WDR1: variants seen among roughly 807,000 people sequenced by gnomAD.
WDR1 encodes WD repeat domain 1.
Under a neutral mutation model 71.9 loss-of-function variants are expected in WDR1, and 21 were observed. The ratio of observed to expected loss-of-function variants is 0.29; its 90% confidence interval spans 0.21 to 0.42. The LOEUF (loss-of-function observed/expected upper bound fraction) is 0.42. Among genes scored for constraint, WDR1 ranks in the 10% least tolerant of loss-of-function variants. The pLI is 1.00. For synonymous variants in WDR1, 424 were observed against 347.4 expected, an observed-to-expected ratio of 1.22 and a Z score of -2.45; for missense variants, 696 against 824.5, an observed-to-expected ratio of 0.84 and a Z score of 1.91.
chr4:10,077,136 G>A, intron 14 of WDR1, 168 bp downstream of exon 14: 1 of 988,284 alleles, frequency 1.0e-6, no homozygotes, highest in Non-Finnish European at 1.4e-6. Context: ...CAGCAGCGCA[G>A]CTGGTGTTTG....
At chr4:10,090,475 G>A (rs898388123) in intron 5 of WDR1, among the ~76,000 whole-genome samples, 2 of 152,200 alleles carry the variant, frequency 1.3e-5, no homozygotes, top group Non-Finnish European at 2.9e-5. Flanking sequence ...TCGTAGAGAG[G>A]CCACTCCCCG....
chr4:10,115,989 G>A (rs1227774423), intron 2 of WDR1, 124 bp downstream of exon 2: 3 of 1,344,846 alleles, frequency 2.2e-6, no homozygotes, highest in Admixed American at 4.8e-5. Context: ...CCCGGTAGAG[G>A]GGGCGTGGCG....
chr4:10,093,560 G>A lies in WDR1; in HGVS notation c.558+4151C>T, dbSNP rs536362807. On this transcript the variant is annotated intron_variant, in intron 5 of 14. Coordinates refer to ENST00000499869, the MANE Select transcript of WDR1 (RefSeq NM_017491.5). ...AACTGCCTCTCCCGTCACCCGGGAC[G>A]GGTCAGCTCAGTCACCATGTTCCCT... Among the ~76,000 whole-genome samples the A allele has an allele frequency of 9.2e-5, 14 of 152,346 alleles. No individual in the cohort carries two copies. The East Asian group carries it at 2.5e-3, about 27-fold the overall frequency.
intron 8 of WDR1, among the ~76,000 whole-genome samples, chr4:10,085,059 G>A (rs1333797667): frequency 6.6e-6 from 1 of 152,220 alleles, no homozygotes; most frequent in Non-Finnish European, 1.5e-5. Context: ...GAACGCTGAC[G>A]CTCCTACCCT....
chr4:10,077,406 G>C lies in WDR1; in HGVS notation c.1612C>G (p.Leu538Val). 6.2e-7 allele frequency: 1 copy of C among 1,614,022 alleles called. No individual in the cohort carries two copies. Among genetic ancestry groups the C allele is most frequent in the South Asian group, 1.1e-5 (1 of 91,086 alleles). The change falls in exon 14 of 15, where the codon CTG becomes GTG. Residue 538 changes from leucine (L) to valine (V), a missense_variant. Physicochemically the swap from Leu to Val is conservative, Grantham distance 32. Coordinates refer to ENST00000499869, the MANE Select transcript of WDR1 (RefSeq NM_017491.5). Reference sequence around the variant, plus strand: ...TGTTCATTGTCTGGGGACCAGGCCAGGCAGACGATTTTTGCATGGTGTCCA... The same window carrying C: ...TGTTCATTGTCTGGGGACCAGGCCACGCAGACGATTTTTGCATGGTGTCCA... ...FYGHHAKIVC[L>V]AWSPDNEHFA... is the part of the protein sequence containing the mutation.
At chr4:10,099,170 GAGGC>G in intron 3 of WDR1, 31 bp from the exon 4 acceptor site, 64 of 801,872 alleles carry the variant, frequency 8.0e-5, no homozygotes, top group Non-Finnish European at 1.0e-4. Context: ...GGGAGGGGGG[GAGGC>G]GGTGGTGGGG....
rs533739685 is a variant in WDR1 at position 10,077,982 on chromosome 4, T to C, written c.1396-56A>G. The C allele has an allele frequency of 3.3e-5, 50 of 1,501,818 alleles. No individual in the cohort carries two copies. The African/African-American group carries it at 6.3e-4, about 19-fold the overall frequency. 93.0% of individuals were successfully genotyped at this position (1,501,818 alleles called of 1,614,324 possible). ...CCCCTGAACACACACACCACACCCA[T>C]CCTTTGTGAAGGGGGGGTCGAGGGC... is the stretch of plus-strand genomic sequence containing the variant. On this transcript the variant is annotated intron_variant, in intron 12 of 14. Coordinates refer to ENST00000499869, the MANE Select transcript of WDR1 (RefSeq NM_017491.5).
At chr4:10,089,645 C>T (rs558717222) in intron 5 of WDR1, among the ~76,000 whole-genome samples, 6 of 152,326 alleles carry the variant, frequency 3.9e-5, no homozygotes, top group South Asian at 4.1e-4. Flanking sequence ...GGCGCTAACC[C>T]GGCAAATGCA....
chr4:10,075,400 T>C lies in WDR1; in HGVS notation c.1799A>G (p.Lys600Arg). 6.2e-7 allele frequency: 1 copy of C among 1,613,956 alleles called. No homozygotes were observed. Among genetic ancestry groups the C allele is most frequent in the South Asian group, 1.1e-5 (1 of 91,080 alleles). Reference protein sequence around the residue: ...LVTTSHDASVKEWTITY With the variant: ...LVTTSHDASVREWTITY ...TCCTCAGTAGGTGATTGTCCACTCC[T>C]TGACAGAGGCATCATGGGAGGTCGT... Residue 600 changes from lysine to arginine, a missense_variant, in exon 15 of 15, where the codon AAG becomes AGG. By Grantham distance (26) the Lys-to-Arg change is conservative. Transcript: ENST00000499869.
At chr4:10,116,472 C>T (rs1480627639) in intron 1 of WDR1, 179 bp downstream of exon 1, 1 of 727,636 alleles carries the variant, frequency 1.4e-6, no homozygotes, top group South Asian at 2.6e-5. Context: ...TGGGGGCGCA[C>T]CCCCCGTCGG....
At chr4:10,088,471 C>G (rs1415978489) in intron 6 of WDR1, 98 bp from the exon 7 acceptor site, 2 of 1,285,136 alleles carry the variant, frequency 1.6e-6, no homozygotes, top group Non-Finnish European at 2.2e-6. Context: ...CCGGGGCTCA[C>G]AGACTAAGCT....
intron 3 of WDR1, 101 bp downstream of exon 3, chr4:10,103,795 C>CCCCCCCCCCCCCCCCCAA: frequency 2.0e-6 from 1 of 501,202 alleles, no homozygotes; most frequent in Non-Finnish European, 3.3e-6. Flanking sequence ...CCCCACCTCC[C>CCCCCCCCCCCCCCCCCAA]TCCTCCCACT....
At chr4:10,096,898 C>G (rs1712380365) in intron 5 of WDR1, among the ~76,000 whole-genome samples, 1 of 152,198 alleles carries the variant, frequency 6.6e-6, no homozygotes, top group South Asian at 2.1e-4. Context: ...TCTTGTCCAT[C>G]CTCAGCGCAA....
At chr4:10,091,681 C>CTT (rs1711997633) in intron 5 of WDR1, 1 of 152,336 alleles carries the variant, frequency 6.6e-6, no homozygotes, top group Non-Finnish European at 1.5e-5. Context: ...TGCATCCCCC[C>CTT]TTCTGCTGTT....
At chr4:10,104,094 A>G (rs112707054) in intron 2 of WDR1, 108 bp from the exon 3 acceptor site, 5 of 1,188,078 alleles carry the variant, frequency 4.2e-6, no homozygotes, top group African/African-American at 1.5e-5. Context: ...AGAAACACTG[A>G]AGCTAAAACC....
intron 3 of WDR1, among the ~76,000 whole-genome samples, chr4:10,103,183 G>A (rs547529669): frequency 2.6e-5 from 4 of 152,258 alleles, no homozygotes; most frequent in African/African-American, 9.6e-5. Flanking sequence ...AAACGTGAGC[G>A]CTGGCCTGGA....
At position 10,109,965 on chromosome 4, in the gene WDR1, A is replaced by C. The variant is rs139118323; in HGVS notation, c.139-5979T>G. Among the ~76,000 whole-genome samples, 567 of 152,308 alleles carry C rather than the reference A, an allele frequency of 3.7e-3. 4 individuals carry two copies. Among genetic ancestry groups the C allele is most frequent in the African/African-American group, 0.013 (539 of 41,560 alleles). The stretch of plus-strand genomic sequence containing the variant: ...AATCTTACACTGATCCCATGATAAC[A>C]TTCCTCCCACTCTCGCAGGCATGGA... On this transcript the variant is annotated intron_variant, in intron 2 of 14. Coordinates refer to ENST00000499869, the MANE Select transcript of WDR1 (RefSeq NM_017491.5).
intron 5 of WDR1, among the ~76,000 whole-genome samples, chr4:10,096,905 G>A (rs778468416): frequency 3.3e-5 from 5 of 152,192 alleles, no homozygotes; most frequent in Non-Finnish European, 7.3e-5. Flanking sequence ...CATCCTCAGC[G>A]CAAGCACAAG....
chr4:10,087,634 C>T, intron 8 of WDR1, 73 bp downstream of exon 8: 1 of 1,425,264 alleles, frequency 7.0e-7, no homozygotes, highest in Non-Finnish European at 9.4e-7. Context: ...CCTCGGTTCC[C>T]CTTCCTTGCT....
Sources: allele counts gnomAD v4.1 joint callset (sites outside exome capture counted in the v4.1 genomes callset), GRCh38; gene constraint gnomAD v4.1.1; transcripts MANE v1.5; gene names NCBI Gene and HGNC (gene_info 2026-07-23, HGNC 2026-07-21).